Variants in KIAA1328 observed in about 807,000 individuals in gnomAD.
KIAA1328 encodes the protein protein hinderin.
In KIAA1328, 52 loss-of-function variants were observed where a neutral mutation model predicts 68.1. That is an observed-to-expected ratio of 0.76 (90% CI 0.61 to 0.96). The LOEUF (loss-of-function observed/expected upper bound fraction) is 0.96, where lower values mean the gene tolerates loss of function less well. Among genes scored for constraint, KIAA1328 ranks in the 40% least tolerant of loss-of-function variants. The pLI, the probability that KIAA1328 is intolerant of heterozygous loss-of-function variation, is 0.00. For missense variants in KIAA1328, 641 were observed against 677.6 expected (o/e 0.95, Z 0.60); for synonymous variants, 232 against 239.4 (o/e 0.97, Z 0.28).
At chr18:36,968,805 T>A (rs755973311) in intron 6 of KIAA1328, among the ~76,000 whole-genome samples, 2 of 152,144 alleles carry the variant, frequency 1.3e-5, no homozygotes, top group African/African-American at 4.8e-5. Context: ...TATAAAACTC[T>A]CTACCCCAAA....
At chr18:36,964,192 C>G (rs1335427639) in intron 6 of KIAA1328, among the ~76,000 whole-genome samples, 1 of 152,184 alleles carries the variant, frequency 6.6e-6, no homozygotes, top group Non-Finnish European at 1.5e-5. Flanking sequence ...GTTTCTATAA[C>G]TAACTCTCCT....
chr18:37,078,934 G>C (rs189900786), intron 7 of KIAA1328, among the ~76,000 whole-genome samples: 1 of 151,966 alleles, frequency 6.6e-6, no homozygotes, highest in Admixed American at 6.6e-5. Context: ...ATTCCTCAGA[G>C]ATCTAGAACT....
chr18:37,063,051 T>C (rs997385377), intron 6 of KIAA1328, among the ~76,000 whole-genome samples: 1 of 151,834 alleles, frequency 6.6e-6, no homozygotes, highest in African/African-American at 2.4e-5. Context: ...TTTTTTTTTT[T>C]TATACTTTAA....
At chr18:37,179,718 T>C (rs1191617226) in intron 9 of KIAA1328, among the ~76,000 whole-genome samples, 1 of 152,170 alleles carries the variant, frequency 6.6e-6, no homozygotes, top group Admixed American at 6.5e-5. Flanking sequence ...TATTTATTTA[T>C]CTTTATTGTT....
At chr18:36,890,977 C>G (rs999253975) in intron 5 of KIAA1328, among the ~76,000 whole-genome samples, 22 of 152,112 alleles carry the variant, frequency 1.4e-4, no homozygotes, top group African/African-American at 4.6e-4. Context: ...GATTAGGTCT[C>G]TATCAAAACA....
chr18:37,058,745 TAAAC>T (rs1308270176), intron 6 of KIAA1328, among the ~76,000 whole-genome samples: 2 of 151,750 alleles, frequency 1.3e-5, no homozygotes, highest in African/African-American at 4.8e-5. Flanking sequence ...AATAAATAAA[TAAAC>T]AAGTAAAACT....
chr18:37,186,425 G>A (rs2059801328), intron 9 of KIAA1328, among the ~76,000 whole-genome samples: 1 of 151,728 alleles, frequency 6.6e-6, no homozygotes, highest in African/African-American at 2.4e-5. Context: ...AAATTAGCCA[G>A]GCATGGTAGT....
chr18:36,837,448 TGTTAA>T (rs1271599639), intron 3 of KIAA1328, among the ~76,000 whole-genome samples: 4 of 152,216 alleles, frequency 2.6e-5, no homozygotes, highest in Admixed American at 6.5e-5. Flanking sequence ...GTCTTAGTAC[TGTTAA>T]GTTATGAGTT....
chr18:36,919,024 A>G (rs989769027), intron 5 of KIAA1328, among the ~76,000 whole-genome samples: 6 of 152,122 alleles, frequency 3.9e-5, no homozygotes, highest in Admixed American at 3.3e-4. Flanking sequence ...AAAATAATGT[A>G]TATTTTACAG....
At chr18:37,041,115 T>C (rs910814085) in intron 6 of KIAA1328, among the ~76,000 whole-genome samples, 7 of 152,018 alleles carry the variant, frequency 4.6e-5, no homozygotes, top group African/African-American at 7.2e-5. Flanking sequence ...TGATTTTTTG[T>C]TTAGTTGTTC....
chr18:36,872,562 A>C (rs1453919546), intron 4 of KIAA1328, among the ~76,000 whole-genome samples: 1 of 152,186 alleles, frequency 6.6e-6, no homozygotes, highest in African/African-American at 2.4e-5. Flanking sequence ...AAACCAGCCT[A>C]ACATTTGTTA....
intron 7 of KIAA1328, among the ~76,000 whole-genome samples, chr18:37,138,550 C>T (rs2058695030): frequency 6.6e-6 from 1 of 152,116 alleles, no homozygotes; most frequent in Non-Finnish European, 1.5e-5. Flanking sequence ...GGAACCATGC[C>T]AGTGTCTTTG....
chr18:36,911,848 A>G (rs1156534987), intron 5 of KIAA1328, among the ~76,000 whole-genome samples: 1 of 152,170 alleles, frequency 6.6e-6, no homozygotes, highest in Admixed American at 6.6e-5. Flanking sequence ...GGCTTAGCAC[A>G]GTGCCTGGTG....
At chr18:36,919,239 C>T (rs2049828293) in intron 5 of KIAA1328, among the ~76,000 whole-genome samples, 1 of 152,146 alleles carries the variant, frequency 6.6e-6, no homozygotes, top group Admixed American at 6.5e-5. Context: ...TCACAAAACT[C>T]TCTTATGGTT....
Position 36,835,220 on chromosome 18 carries a change from A to G in KIAA1328, c.95-14A>G. 6.2e-7 allele frequency: 1 copy of G among 1,608,286 alleles called. No individual in the cohort carries two copies. The highest frequency in any genetic ancestry group is 1.3e-5 in the African/African-American group (1 of 74,654). ...AGGTATAATTTTGAAATCTTGTTTA[A>G]TGGAAATCCTTAGGAATTTCTGCTG... On this transcript the variant is annotated splice_polypyrimidine_tract_variant and intron_variant, in intron 2 of 9. Transcript: ENST00000280020.
At chr18:36,831,198 A>G (rs2150750058) in intron 1 of KIAA1328, among the ~76,000 whole-genome samples, 1 of 152,318 alleles carries the variant, frequency 6.6e-6, no homozygotes, top group African/African-American at 2.4e-5. Flanking sequence ...TTGAAAAAAG[A>G]TTTTCAATAC....
intron 4 of KIAA1328, among the ~76,000 whole-genome samples, chr18:36,856,643 T>C (rs769947139): frequency 1.3e-5 from 2 of 152,214 alleles, no homozygotes; most frequent in African/African-American, 4.8e-5. Context: ...TTCAAGTCTT[T>C]GCCTGATAAA....
chr18:36,943,257 AC>A (rs1942194869), intron 5 of KIAA1328, among the ~76,000 whole-genome samples: 2 of 152,218 alleles, frequency 1.3e-5, no homozygotes, highest in Admixed American at 1.3e-4. Context: ...TTATAAAGGA[AC>A]AAAAATTTTG....
At chr18:37,117,876 TAAAA>T (rs58489772) in intron 7 of KIAA1328, among the ~76,000 whole-genome samples, 2 of 126,584 alleles carry the variant, frequency 1.6e-5, no homozygotes, top group African/African-American at 2.8e-5. Context: ...GTAGTTGGTT[TAAAA>T]AAAAAAAATA....
Sources: gnomAD v4.1 joint callset for allele counts (sites outside exome capture counted in the v4.1 genomes callset) on GRCh38, gnomAD v4.1.1 for gene constraint, MANE v1.5 for transcripts, NCBI Gene and HGNC (gene_info 2026-07-23, HGNC 2026-07-21) for gene names.